LMTK2: variants seen among roughly 807,000 people sequenced by gnomAD.
LMTK2 encodes the protein lemur tail kinase 2.
Under a neutral mutation model 127.5 loss-of-function variants are expected in LMTK2, and 37 were observed. That is an observed-to-expected ratio of 0.29 (90% CI 0.22 to 0.38). The LOEUF is 0.38. Ranked by LOEUF, LMTK2 falls within the 10% of genes least tolerant of loss-of-function variation. The pLI is 1.00. For missense variants in LMTK2, 1,694 were observed against 1,920.3 expected (o/e 0.88, Z 2.20); for synonymous variants, 819 against 810.1 (o/e 1.01, Z -0.19).
intron 3 of LMTK2, among the ~76,000 whole-genome samples, chr7:98,150,684 G>A (rs1796840345): frequency 6.6e-6 from 1 of 152,208 alleles, no homozygotes; most frequent in Admixed American, 6.5e-5. Context: ...ACAAAAGTAA[G>A]AATAAACTCT....
chr7:98,131,466 T>A (rs1248501412), intron 1 of LMTK2, among the ~76,000 whole-genome samples: 1 of 152,196 alleles, frequency 6.6e-6, no homozygotes, highest in Non-Finnish European at 1.5e-5. Context: ...GTGGTGGTAT[T>A]TCACATGTCT....
rs550278950 is a variant in LMTK2, at chr7:98,199,726, C to A, written c.4108-3848C>A. Among the ~76,000 whole-genome samples, 224 of 152,316 alleles carry A rather than the reference C, an allele frequency of 1.5e-3. 1 individual carries two copies. Among genetic ancestry groups the A allele is most frequent in the Non-Finnish European group, 1.8e-3 (125 of 68,018 alleles). On this transcript the variant is annotated intron_variant, in intron 11 of 13. Coordinates refer to ENST00000297293, the MANE Select transcript of LMTK2 (RefSeq NM_014916.4). Reference sequence around the variant, plus strand: ...GCCAGGCTGGTCTCGAACTCCTGAGCTCAAGCAATCCGCCCGCCTCGGTCT... The same window carrying A: ...GCCAGGCTGGTCTCGAACTCCTGAGATCAAGCAATCCGCCCGCCTCGGTCT...
At chr7:98,107,601 C>T (rs1376907770) in intron 1 of LMTK2, among the ~76,000 whole-genome samples, 1 of 152,226 alleles carries the variant, frequency 6.6e-6, no homozygotes, top group Non-Finnish European at 1.5e-5. Context: ...AGTTCAGCTT[C>T]CCTTTCCAGA....
At chr7:98,131,478 G>A (rs1273709115) in intron 1 of LMTK2, among the ~76,000 whole-genome samples, 2 of 151,742 alleles carry the variant, frequency 1.3e-5, no homozygotes, top group Non-Finnish European at 2.9e-5. Context: ...CACATGTCTC[G>A]CTATTCATAA....
rs150658004 is a variant in LMTK2 at position 98,204,164 on chromosome 7, C to T, written c.4461C>T (p.Thr1487=). 2.6e-4 allele frequency: 414 copies of T among 1,608,324 alleles called. No individual in the cohort carries two copies. Among genetic ancestry groups the T allele is most frequent in the Admixed American group, 8.0e-4 (48 of 60,012 alleles). ...NIASFSLTHL[T]DSDIEQGGSS... ...CCAGCTTTTCCCTCACACACCTGAC[C>T]GACTCGGACATCGAGCAGGGCGGTG... The change falls in exon 13 of 14, where the codon ACC becomes ACT. Residue 1487 remains threonine (T), a synonymous_variant. Transcript: ENST00000297293.
chr7:98,202,083 A>G (rs1001727549), intron 11 of LMTK2, among the ~76,000 whole-genome samples: 4 of 150,718 alleles, frequency 2.7e-5, no homozygotes, highest in Non-Finnish European at 2.9e-5. Flanking sequence ...GTATTCTCTC[A>G]TAGGTTCTGA....
intron 2 of LMTK2, among the ~76,000 whole-genome samples, chr7:98,138,316 T>C (rs1278858416): frequency 6.6e-6 from 1 of 152,190 alleles, no homozygotes; most frequent in Non-Finnish European, 1.5e-5. Context: ...TAAAGCCTTG[T>C]TTTCCCTGGA....
At position 98,191,888 on chromosome 7, in the gene LMTK2, G is replaced by A. The variant is rs1320219105; in HGVS notation, c.1423G>A (p.Glu475Lys). ...VTETSQGLSF[E>K]YVWEAAKHDH... ...CGAAACCAGCCAGGGCCTGAGCTTC[G>A]AGTATGTCTGGGAGGCCGCTAAGCA... The change falls in exon 11 of 14, where the codon GAG becomes AAG. Residue 475 changes from glutamate to lysine, a missense_variant. Transcript: ENST00000297293. The A allele has an allele frequency of 1.2e-6, 2 of 1,614,148 alleles. No homozygotes were observed. The highest frequency in any genetic ancestry group is 1.7e-6 in the Non-Finnish European group (2 of 1,180,032).
intron 1 of LMTK2, among the ~76,000 whole-genome samples, chr7:98,118,595 T>C (rs2116326141): frequency 6.6e-6 from 1 of 152,272 alleles, no homozygotes. Flanking sequence ...TAGTGGACCC[T>C]CGTGTTCCCG....
chr7:98,195,489 A>G (rs545021504), intron 11 of LMTK2, among the ~76,000 whole-genome samples: 108 of 151,622 alleles, frequency 7.1e-4, no homozygotes, highest in Non-Finnish European at 1.1e-3. Flanking sequence ...AAAAAAAAAA[A>G]GTTCTTTTCA....
intron 4 of LMTK2, among the ~76,000 whole-genome samples, chr7:98,152,407 A>G (rs1796872170): frequency 6.6e-6 from 1 of 152,170 alleles, no homozygotes; most frequent in Non-Finnish European, 1.5e-5. Context: ...CCTTCCCTTC[A>G]GCGTTGTCTG....
chr7:98,107,125 G>T lies in LMTK2; in HGVS notation c.-53G>T. 7.6e-7 allele frequency: 1 copy of T among 1,322,716 alleles called. No homozygotes were observed. Among genetic ancestry groups the T allele is most frequent in the Non-Finnish European group, 9.8e-7 (1 of 1,020,288 alleles). The allele number at this position is 1,322,716 out of a possible 1,614,324, so 81.9% of individuals were successfully genotyped here. On this transcript the variant is annotated 5_prime_UTR_variant, in exon 1 of 14. Coordinates refer to ENST00000297293, the MANE Select transcript of LMTK2 (RefSeq NM_014916.4). ...AGGATCGACTGACGGGCGAACGGAC[G>T]GACGGACGGAAGGCGACTCGAGGGC... is the stretch of plus-strand genomic sequence containing the variant.
chr7:98,133,272 C>G (rs1453539923), intron 1 of LMTK2, among the ~76,000 whole-genome samples: 1 of 152,150 alleles, frequency 6.6e-6, no homozygotes, highest in Non-Finnish European at 1.5e-5. Context: ...ATGCCCTTCT[C>G]AGTGCTGTAG....
intron 2 of LMTK2, among the ~76,000 whole-genome samples, chr7:98,140,176 CTTTTCTTTCTTCTTTCTGTCTT>C (rs1562902891): frequency 1.2e-3 from 13 of 10,732 alleles, no homozygotes; most frequent in Non-Finnish European, 2.3e-3. Flanking sequence ...TCTTTTCTTT[CTTTTCTTTCTTCTTTCTGTCTT>C]TGAGATGGTC....
intron 3 of LMTK2, among the ~76,000 whole-genome samples, chr7:98,144,822 A>G (rs1796747132): frequency 1.3e-5 from 2 of 151,154 alleles, no homozygotes; most frequent in African/African-American, 4.9e-5. Flanking sequence ...ACTTACCAAC[A>G]TACCTTGCAG....
chr7:98,170,365 A>G (rs1408937250), intron 6 of LMTK2, among the ~76,000 whole-genome samples: 1 of 152,232 alleles, frequency 6.6e-6, no homozygotes, highest in Non-Finnish European at 1.5e-5. Context: ...GTGGACCTAG[A>G]AGTTACCTCA....
At position 98,141,544 on chromosome 7, in the gene LMTK2, A is replaced by G. The variant is rs775762829; in HGVS notation, c.376+3A>G. On this transcript the variant is annotated splice_donor_region_variant and intron_variant, in intron 3 of 13. Transcript: ENST00000297293. The stretch of plus-strand genomic sequence containing the variant: ...CTCGCAATTCCAGCCTTCTGTAGGT[A>G]AGACCATACAGCCTAATGCCACGTT... 7 of 1,613,166 alleles carry G rather than the reference A, an allele frequency of 4.3e-6. No homozygotes were observed. Among genetic ancestry groups the G allele is most frequent in the Middle Eastern group, 1.6e-4 (1 of 6,082 alleles).
intron 11 of LMTK2, among the ~76,000 whole-genome samples, chr7:98,198,844 C>A (rs1797669613): frequency 1.3e-5 from 2 of 152,148 alleles, no homozygotes; most frequent in Admixed American, 1.3e-4. Context: ...CTGCACCCAG[C>A]AAATTTTAAT....
chr7:98,192,243 G>A lies in LMTK2; in HGVS notation c.1778G>A (p.Arg593Lys), dbSNP rs758785763. ...GAACTGTCCCAGCTCACGGCGCTCA[G>A]GAGCGTTGAACTTGAGGAGTCCAGT... ...GPELSQLTAL[R>K]SVELEESSTD... The change falls in exon 11 of 14, where the codon AGG becomes AAG. Residue 593 changes from arginine (R) to lysine (K), a missense_variant. Physicochemically the swap from Arg to Lys is conservative, Grantham distance 26. Transcript: ENST00000297293. 2.0e-6 allele frequency: 3 copies of A among 1,524,874 alleles called. No homozygotes were observed. The highest frequency in any genetic ancestry group is 2.3e-5 in the Admixed American group (1 of 44,260). The allele number at this position is 1,524,874 out of a possible 1,614,324, so 94.5% of individuals were successfully genotyped here. A position where few individuals can be genotyped will look rare whatever the true frequency, so the allele number is the denominator to read the frequency against.
Sources: allele counts gnomAD v4.1 joint callset (sites outside exome capture counted in the v4.1 genomes callset), GRCh38; gene constraint gnomAD v4.1.1; transcripts MANE v1.5; gene names NCBI Gene and HGNC (gene_info 2026-07-23, HGNC 2026-07-21).